Variants in HDAC1 observed in about 807,000 individuals in gnomAD.
HDAC1 encodes protein deacetylase HDAC1.
A neutral mutation model predicts 65.5 loss-of-function variants in HDAC1; 18 were observed. The observed-to-expected ratio is 0.27, with a 90% CI of 0.19 to 0.41. HDAC1 has a LOEUF of 0.41. Ranked by LOEUF, HDAC1 falls within the 10% of genes least tolerant of loss-of-function variation. The pLI, the probability that HDAC1 is intolerant of heterozygous loss-of-function variation, is 1.00. For missense variants in HDAC1, 373 were observed against 625.2 expected, an observed-to-expected ratio of 0.60 and a Z score of 4.30; for synonymous variants, 211 against 227.9, an observed-to-expected ratio of 0.93 and a Z score of 0.67.
chr1:32,333,139 TAA>T lies in HDAC1; in HGVS notation c.*99_*100del. On this transcript the variant is annotated 3_prime_UTR_variant, in exon 14 of 14. Coordinates refer to ENST00000373548, the MANE Select transcript of HDAC1 (RefSeq NM_004964.3). ...TTTTCTATTTCTCTGTGTATTTATA[TAA>T]AAATTTATTAAATATAAATATCCCC... 1 of 1,011,226 alleles carries T rather than the reference TAA, an allele frequency of 9.9e-7. No individual in the cohort carries two copies. The highest frequency in any genetic ancestry group is 1.7e-5 in the South Asian group (1 of 59,840). 62.6% of individuals were successfully genotyped at this position (1,011,226 alleles called of 1,614,324 possible).
Position 32,327,135 on chromosome 1 carries a change from C to T in HDAC1, c.494+58C>T. On this transcript the variant is annotated intron_variant, in intron 5 of 13. Coordinates refer to ENST00000373548, the MANE Select transcript of HDAC1 (RefSeq NM_004964.3). This position sits in a 1 kb window ranked among gnomAD's most constrained non-coding sequence, Gnocchi z 6.0. ...CACCTTAGGCCAGGTTCCCATTTCC[C>T]TCTTCCCCTGGGCTTGCCTCCCTAG... is the stretch of plus-strand genomic sequence containing the variant. The T allele has an allele frequency of 6.3e-7, 1 of 1,582,044 alleles. No individual in the cohort carries two copies. The highest frequency in any genetic ancestry group is 1.3e-5 in the African/African-American group (1 of 74,492).
intron 2 of HDAC1, among the ~76,000 whole-genome samples, chr1:32,310,454 T>C (rs1640974487): frequency 6.6e-6 from 1 of 152,182 alleles, no homozygotes; most frequent in African/African-American, 2.4e-5. Context: ...GACACACGCT[T>C]GTAATCCCAG....
intron 2 of HDAC1, among the ~76,000 whole-genome samples, chr1:32,306,132 T>C (rs144733676): frequency 7.3e-4 from 111 of 152,256 alleles, no homozygotes; most frequent in African/African-American, 2.5e-3. Context: ...CCTCCCACTT[T>C]GTTCTTCTGA....
intron 2 of HDAC1, among the ~76,000 whole-genome samples, chr1:32,309,680 C>CAAAAAAAA (rs560312057): frequency 7.9e-5 from 4 of 50,916 alleles, no homozygotes; most frequent in African/African-American, 1.3e-4. Flanking sequence ...GAGCGAGTCT[C>CAAAAAAAA]AAAAAAAAAA....
At position 32,331,572 on chromosome 1, in the gene HDAC1, GAGA is replaced by G; in HGVS notation, c.1082_1084del (p.Lys361del). The G allele has an allele frequency of 5.6e-6, 9 of 1,610,954 alleles. No homozygotes were observed. The highest frequency in any genetic ancestry group is 7.6e-6 in the Non-Finnish European group (9 of 1,177,144). ...TAACCAGAACACGAATGAGTACCTG[GAGA>G]AGATCAAGTGAGTATATCCTCCAGC... On this transcript the variant is annotated inframe_deletion, in exon 10 of 14. Transcript: ENST00000373548. The surrounding 1 kb of genome is among the most constrained non-coding windows in gnomAD (Gnocchi z 4.2).
rs997050523 is a variant in HDAC1 at position 32,329,233 on chromosome 1, C to G, written c.729+73C>G. ...GCGGTGGAGGGGAGCAAAGCACCCC[C>G]ACCATACCTCAGGAATCTCTCCTTA... On this transcript the variant is annotated intron_variant, in intron 7 of 13. Coordinates refer to ENST00000373548, the MANE Select transcript of HDAC1 (RefSeq NM_004964.3). The surrounding 1 kb of genome is among the most constrained non-coding windows in gnomAD (Gnocchi z 4.1). The G allele has an allele frequency of 2.4e-5, 21 of 862,428 alleles. No individual in the cohort carries two copies. In the African/African-American group the frequency reaches 3.1e-4, roughly 13 times the overall value. The allele number at this position is 862,428 out of a possible 1,614,324, so 53.4% of individuals were successfully genotyped here. A position where few individuals can be genotyped will look rare whatever the true frequency, so the allele number is the denominator to read the frequency against.
At chr1:32,303,938 A>C (rs917414566) in intron 2 of HDAC1, among the ~76,000 whole-genome samples, 2 of 152,196 alleles carry the variant, frequency 1.3e-5, no homozygotes, top group African/African-American at 2.4e-5. Flanking sequence ...ACATTAGTAC[A>C]TCTGTAGACC....
intron 12 of HDAC1, among the ~76,000 whole-genome samples, chr1:32,332,463 G>A (rs1434821037): frequency 6.6e-6 from 1 of 152,178 alleles, no homozygotes; most frequent in African/African-American, 2.4e-5. Context: ...CCTTTTCCCA[G>A]CACTGCACCC....
chr1:32,314,548 C>T (rs1035751449), intron 2 of HDAC1, among the ~76,000 whole-genome samples: 12 of 151,878 alleles, frequency 7.9e-5, no homozygotes, highest in South Asian at 2.1e-4. Flanking sequence ...GATATTTCGC[C>T]GGGCAAGGTG....
At position 32,302,746 on chromosome 1, in the gene HDAC1, A is replaced by C. The variant is rs1640866819; in HGVS notation, c.162+13A>C. ...AATGGAAATCTATGTGAGTTACCAG[A>C]GGTGCTACCGCTCCCTAACCTCATC... On this transcript the variant is annotated intron_variant, in intron 2 of 13. Coordinates refer to ENST00000373548, the MANE Select transcript of HDAC1 (RefSeq NM_004964.3). 4 of 1,211,100 alleles carry C rather than the reference A, an allele frequency of 3.3e-6. No individual in the cohort carries two copies. The highest frequency in any genetic ancestry group is 3.0e-5 in the African/African-American group (2 of 67,168). 75.0% of individuals were successfully genotyped at this position (1,211,100 alleles called of 1,614,324 possible). A position where few individuals can be genotyped will look rare whatever the true frequency, so the allele number is the denominator to read the frequency against.
At chr1:32,311,882 G>A (rs1640996760) in intron 2 of HDAC1, among the ~76,000 whole-genome samples, 1 of 152,178 alleles carries the variant, frequency 6.6e-6, no homozygotes, top group Non-Finnish European at 1.5e-5. Flanking sequence ...TGGAGTTTGT[G>A]CAGTCATCTG....
chr1:32,299,608 G>A (rs1349076175), intron 1 of HDAC1, among the ~76,000 whole-genome samples: 1 of 151,966 alleles, frequency 6.6e-6, no homozygotes, highest in African/African-American at 2.4e-5. Context: ...TTTTTCACTG[G>A]GTGCCTAGAG....
intron 4 of HDAC1, among the ~76,000 whole-genome samples, chr1:32,325,965 T>G (rs1042256818): frequency 1.1e-4 from 16 of 151,430 alleles, no homozygotes; most frequent in Admixed American, 1.1e-3. Flanking sequence ...AGGCGGAGGT[T>G]GCAGTGAGCC....
At chr1:32,300,473 T>A (rs746877479) in intron 1 of HDAC1, among the ~76,000 whole-genome samples, 51 of 151,802 alleles carry the variant, frequency 3.4e-4, no homozygotes, top group Non-Finnish European at 5.7e-4. Context: ...GAGAACTGCT[T>A]GAACCTGGGA....
In HDAC1 at chr1:32,326,929, T is replaced by G; in HGVS notation, c.356-10T>G. On this transcript the variant is annotated splice_polypyrimidine_tract_variant and intron_variant, in intron 4 of 13. Coordinates refer to ENST00000373548, the MANE Select transcript of HDAC1 (RefSeq NM_004964.3). ...AGTAACAGGCTTATGTTCTCTTTTC[T>G]CATGCCCAGCAAGTGCTGTGAAACT... 1 of 1,613,796 alleles carries G rather than the reference T, an allele frequency of 6.2e-7. No individual in the cohort carries two copies.
At chr1:32,315,282 C>T (rs1415810680) in intron 2 of HDAC1, among the ~76,000 whole-genome samples, 1 of 152,032 alleles carries the variant, frequency 6.6e-6, no homozygotes, top group African/African-American at 2.4e-5. Flanking sequence ...TCATTAGATA[C>T]CCTTTTTTCG....
At chr1:32,332,637 T>C in intron 12 of HDAC1, 64 bp from the exon 13 acceptor site, 4 of 1,205,154 alleles carry the variant, frequency 3.3e-6, no homozygotes, top group African/African-American at 1.5e-5. Context: ...TCAGGGTAAA[T>C]GAAGACCTCA....
intron 1 of HDAC1, among the ~76,000 whole-genome samples, chr1:32,298,849 T>G (rs1640807746): frequency 6.6e-6 from 1 of 151,854 alleles, no homozygotes; most frequent in South Asian, 2.1e-4. Flanking sequence ...AATACAAAAC[T>G]TAGCCAGGCG....
At chr1:32,317,943 C>A (rs1336101551) in intron 3 of HDAC1, among the ~76,000 whole-genome samples, 1 of 152,194 alleles carries the variant, frequency 6.6e-6, no homozygotes, top group African/African-American at 2.4e-5. Flanking sequence ...CCTAGCCCCT[C>A]TGGTGTTATT....
Sources: gnomAD v4.1 joint callset for allele counts (sites outside exome capture counted in the v4.1 genomes callset) on GRCh38, gnomAD v4.1.1 for gene constraint, Gnocchi (gnomAD v3.1) non-coding constraint, MANE v1.5 for transcripts, NCBI Gene and HGNC (gene_info 2026-07-23, HGNC 2026-07-21) for gene names.